The following ALK variants were observed in gnomAD, a reference collection of about 807,000 sequenced individuals.
The protein encoded by ALK is ALK tyrosine kinase receptor.
A neutral mutation model predicts 163.1 loss-of-function variants in ALK; 74 were observed. The ratio of observed to expected loss-of-function variants is 0.45; its 90% confidence interval spans 0.38 to 0.55. The LOEUF (loss-of-function observed/expected upper bound fraction) is 0.55, where lower values mean the gene tolerates loss of function less well. Among genes scored for constraint, ALK ranks in the 20% least tolerant of loss-of-function variants. ALK has a pLI of 0.00. For synonymous variants in ALK, 960 were observed against 843.2 expected (o/e 1.14, Z -2.40); for missense variants, 2,063 against 2,105.3 (o/e 0.98, Z 0.39).
chr2:29,432,381 C>A (rs114639192), intron 4 of ALK, among the ~76,000 whole-genome samples: 1 of 152,094 alleles, frequency 6.6e-6, no homozygotes, highest in Admixed American at 6.5e-5. Flanking sequence ...CAGGCTCCCC[C>A]GCCCCTTCTG....
intron 4 of ALK, among the ~76,000 whole-genome samples, chr2:29,483,697 G>A (rs1671717904): frequency 1.3e-5 from 2 of 152,002 alleles, no homozygotes; most frequent in African/African-American, 4.8e-5. Context: ...TTTTCATTTA[G>A]GTTTTGTTTA....
At chr2:29,236,285 G>A (rs764356744) in intron 13 of ALK, among the ~76,000 whole-genome samples, 24 of 152,162 alleles carry the variant, frequency 1.6e-4, no homozygotes, top group African/African-American at 4.8e-4. Context: ...CCACCCCGTC[G>A]GCCTCTGCTC....
At chr2:29,735,499 T>A (rs1409914154) in intron 1 of ALK, among the ~76,000 whole-genome samples, 1 of 152,016 alleles carries the variant, frequency 6.6e-6, no homozygotes, top group Non-Finnish European at 1.5e-5. Context: ...TAATTGTTAT[T>A]GCATACTCAT....
chr2:29,666,819 T>C (rs1677526231), intron 3 of ALK, among the ~76,000 whole-genome samples: 1 of 152,038 alleles, frequency 6.6e-6, no homozygotes, highest in Admixed American at 6.6e-5. Flanking sequence ...TATATATGTA[T>C]ATATTCTTCC....
chr2:29,410,050 G>A (rs900946049), intron 4 of ALK, among the ~76,000 whole-genome samples: 15 of 152,114 alleles, frequency 9.9e-5, no homozygotes, highest in African/African-American at 3.6e-4. Flanking sequence ...CCCTTAGAAG[G>A]TTCAGTCACG....
At chr2:29,447,436 A>G (rs1030561269) in intron 4 of ALK, among the ~76,000 whole-genome samples, 2 of 152,192 alleles carry the variant, frequency 1.3e-5, no homozygotes, top group African/African-American at 4.8e-5. Flanking sequence ...TATTTTGAGC[A>G]GCACAGCAAG....
At chr2:29,296,713 A>T (rs1666189599) in intron 9 of ALK, among the ~76,000 whole-genome samples, 175 bp downstream of exon 9, 1 of 150,768 alleles carries the variant, frequency 6.6e-6, no homozygotes, top group African/African-American at 2.5e-5. Flanking sequence ...GAAAGTGTGT[A>T]ACCTGCAGAG....
intron 5 of ALK, among the ~76,000 whole-genome samples, chr2:29,369,258 C>T (rs1049052200): frequency 6.6e-6 from 1 of 152,018 alleles, no homozygotes; most frequent in Non-Finnish European, 1.5e-5. Context: ...TTAGGATCAC[C>T]ACATTCAAAT....
At chr2:29,881,272 T>A (rs148875856) in intron 1 of ALK, among the ~76,000 whole-genome samples, 18 of 152,350 alleles carry the variant, frequency 1.2e-4, no homozygotes, top group African/African-American at 4.3e-4. Flanking sequence ...AGCAGCAGGC[T>A]GCTCCCGACC....
At position 29,921,216 on chromosome 2, in the gene ALK, T is replaced by C. The variant is rs1372417365; in HGVS notation, c.-557A>G. 3 of 234,254 alleles carry C rather than the reference T, an allele frequency of 1.3e-5. No individual in the cohort carries two copies. The highest frequency in any genetic ancestry group is 6.6e-5 in the African/African-American group (3 of 45,368). The allele number at this position is 234,254 out of a possible 1,614,324, so 14.5% of individuals were successfully genotyped here. A position where few individuals can be genotyped will look rare whatever the true frequency, so the allele number is the denominator to read the frequency against. Reference sequence around the variant, plus strand: ...CGGGAACCGAGGGCGGAGGCTGCCGTCTTGCGCACCCTCAAGCTATCTCTC... The same window carrying C: ...CGGGAACCGAGGGCGGAGGCTGCCGCCTTGCGCACCCTCAAGCTATCTCTC... On this transcript the variant is annotated 5_prime_UTR_variant, in exon 1 of 29. Transcript: ENST00000389048.
intron 1 of ALK, among the ~76,000 whole-genome samples, chr2:29,768,461 A>G (rs1680923445): frequency 6.6e-6 from 1 of 152,212 alleles, no homozygotes; most frequent in East Asian, 1.9e-4. Context: ...AAAATCTAAT[A>G]CTAATTTCCA....
intron 4 of ALK, among the ~76,000 whole-genome samples, chr2:29,445,727 C>T (rs1670657706): frequency 2.0e-5 from 3 of 152,088 alleles, no homozygotes; most frequent in African/African-American, 7.2e-5. Context: ...GAGGCTGAGG[C>T]AGTAGAATCA....
At chr2:29,578,669 G>C (rs1486462938) in intron 3 of ALK, among the ~76,000 whole-genome samples, 2 of 152,200 alleles carry the variant, frequency 1.3e-5, no homozygotes, top group African/African-American at 4.8e-5. Flanking sequence ...GGTATGTGAT[G>C]ATGAAGGGGT....
At chr2:29,757,246 G>T (rs1328513782) in intron 1 of ALK, among the ~76,000 whole-genome samples, 1 of 152,164 alleles carries the variant, frequency 6.6e-6, no homozygotes, top group Non-Finnish European at 1.5e-5. Context: ...GGGCATCTTG[G>T]AGCAGGTGAT....
intron 4 of ALK, among the ~76,000 whole-genome samples, chr2:29,466,326 T>C (rs545820077): frequency 1.3e-5 from 2 of 151,954 alleles, no homozygotes; most frequent in South Asian, 2.1e-4. Flanking sequence ...GGGAACCACA[T>C]ACACACACAC....
intron 26 of ALK, among the ~76,000 whole-genome samples, chr2:29,204,605 T>A (rs1270664927): frequency 6.6e-6 from 1 of 151,956 alleles, no homozygotes; most frequent in African/African-American, 2.4e-5. Context: ...CTATTATTAT[T>A]TGAGATGGAG....
chr2:29,337,588 T>G (rs1283366466), intron 5 of ALK, among the ~76,000 whole-genome samples: 7 of 152,102 alleles, frequency 4.6e-5, no homozygotes, highest in Non-Finnish European at 7.4e-5. Context: ...GTGGGGAGCT[T>G]GGAAAAAGCA....
intron 2 of ALK, among the ~76,000 whole-genome samples, chr2:29,700,670 A>ACT (rs1678708053): frequency 6.6e-6 from 1 of 152,188 alleles, no homozygotes; most frequent in African/African-American, 2.4e-5. Context: ...TCTGATACTC[A>ACT]CTTCCTGAAA....
Position 29,757,361 on chromosome 2 carries a change from A to G in ALK, c.668-39664T>C, listed in dbSNP as rs181548837. On this transcript the variant is annotated intron_variant, in intron 1 of 28. Coordinates refer to ENST00000389048, the MANE Select transcript of ALK (RefSeq NM_004304.5). ...ATTTTGCAGTTGACAAAGCCGAGGC[A>G]TGGAAAGGTTAACCACTCACCCAGT... 5.0e-3 allele frequency among the ~76,000 whole-genome samples: 764 copies of G among 152,298 alleles called. 16 individuals are homozygous for G. Among genetic ancestry groups the G allele is most frequent in the Admixed American group, 0.038 (589 of 15,300 alleles).
Sources: allele counts gnomAD v4.1 joint callset (sites outside exome capture counted in the v4.1 genomes callset), GRCh38; gene constraint gnomAD v4.1.1; transcripts MANE v1.5; gene names NCBI Gene and HGNC (gene_info 2026-07-23, HGNC 2026-07-21).